ATP13A4: variants seen among roughly 807,000 people sequenced by gnomAD.
The protein encoded by ATP13A4 is ATPase 13A4, also known as probable cation-transporting ATPase 13A4.
Under a neutral mutation model 142.5 loss-of-function variants are expected in ATP13A4, and 114 were observed. The ratio of observed to expected loss-of-function variants is 0.80; its 90% confidence interval spans 0.69 to 0.93. The LOEUF (loss-of-function observed/expected upper bound fraction) is 0.93, where lower values mean the gene tolerates loss of function less well. Ranked by LOEUF, ATP13A4 falls within the 40% of genes least tolerant of loss-of-function variation. The pLI, the probability that ATP13A4 is intolerant of heterozygous loss-of-function variation, is 0.00. For synonymous variants in ATP13A4, 488 were observed against 514.8 expected (o/e 0.95, Z 0.70); for missense variants, 1,392 against 1,454.0 (o/e 0.96, Z 0.69).
chr3:193,589,661 T>C lies in ATP13A4; in HGVS notation n.91+3360A>G, dbSNP rs377563083. On this transcript the variant is annotated intron_variant and non_coding_transcript_variant, in intron 1 of 3. Transcript: ENST00000489140. ...TAAAGTAGTAAAATTATTTCATGAC[T>C]TCTGGATCAGAAAAATATTTTTAAC... Among the ~76,000 whole-genome samples the C allele has an allele frequency of 1.1e-4, 16 of 152,290 alleles. No homozygotes were observed. In the East Asian group the frequency reaches 3.1e-3, roughly 29 times the overall value.
chr3:193,573,501 T>C (rs949000628), intron 2 of ATP13A4, among the ~76,000 whole-genome samples: 2 of 151,774 alleles, frequency 1.3e-5, no homozygotes, highest in Non-Finnish European at 2.9e-5. Flanking sequence ...CCATTTCTTC[T>C]CACTGCCGCT....
chr3:193,552,989 T>A (rs916952509), intron 1 of ATP13A4, among the ~76,000 whole-genome samples: 5 of 151,870 alleles, frequency 3.3e-5, no homozygotes, highest in African/African-American at 1.2e-4. Context: ...GATGGAGGAG[T>A]GAGTTAAAAA....
At chr3:193,461,976 C>T (rs920917063) in intron 13 of ATP13A4, among the ~76,000 whole-genome samples, 1 of 152,172 alleles carries the variant, frequency 6.6e-6, no homozygotes, top group Admixed American at 6.5e-5. Context: ...AATCCCAACA[C>T]TTCAGGAGGC....
intron 2 of ATP13A4, among the ~76,000 whole-genome samples, chr3:193,564,771 G>A (rs1015037775): frequency 6.6e-6 from 1 of 152,170 alleles, no homozygotes; most frequent in African/African-American, 2.4e-5. Flanking sequence ...GGTATTGCAG[G>A]AGGTGAGCAG....
At chr3:193,482,731 T>A (rs552757810) in intron 8 of ATP13A4, among the ~76,000 whole-genome samples, 1 of 152,116 alleles carries the variant, frequency 6.6e-6, no homozygotes, top group Non-Finnish European at 1.5e-5. Context: ...TGGCCAAAAT[T>A]AAAATGAGTA....
intron 1 of ATP13A4, among the ~76,000 whole-genome samples, chr3:193,529,872 TGA>T (rs770125695): frequency 1.8e-4 from 28 of 152,216 alleles, no homozygotes; most frequent in Middle Eastern, 3.2e-3. Flanking sequence ...CACAGTGCTT[TGA>T]AATCTTTTTC....
chr3:193,527,531 G>A (rs113346302), intron 1 of ATP13A4, among the ~76,000 whole-genome samples: 4,439 of 151,718 alleles, frequency 0.029, 212 homozygotes, highest in African/African-American at 0.1. Context: ...AGAATCACTT[G>A]AGCCTAGGAG....
intron 1 of ATP13A4, among the ~76,000 whole-genome samples, chr3:193,518,417 T>TG (rs1273456771): frequency 1.3e-5 from 2 of 152,176 alleles, no homozygotes; most frequent in Non-Finnish European, 2.9e-5. Flanking sequence ...TTCAATTATT[T>TG]GGGGGATATA....
intron 1 of ATP13A4, among the ~76,000 whole-genome samples, chr3:193,545,356 T>C (rs937556992): frequency 3.9e-5 from 6 of 151,956 alleles, no homozygotes; most frequent in African/African-American, 1.2e-4. Context: ...CCTGAGGACA[T>C]TATATTTCTC....
chr3:193,506,607 C>T (rs574922512), intron 2 of ATP13A4, among the ~76,000 whole-genome samples: 2 of 152,116 alleles, frequency 1.3e-5, no homozygotes, highest in African/African-American at 4.8e-5. Flanking sequence ...TGGCGGTGTC[C>T]CCATCCAAAT....
rs148582883 is a variant in ATP13A4 at position 193,585,160 on chromosome 3, G to A, written n.92-3254C>T. Among the ~76,000 whole-genome samples the A allele has an allele frequency of 2.0e-4, 31 of 152,328 alleles. No homozygotes were observed. In the East Asian group the frequency reaches 5.8e-3, roughly 28 times the overall value. On this transcript the variant is annotated intron_variant and non_coding_transcript_variant, in intron 1 of 3. Coordinates refer to the ATP13A4 transcript ENST00000489140. ...TGACCAGGCACGGTGGCTCACCCCT[G>A]TAATCCCAGCACTTTGGGAGGCAAA...
At chr3:193,573,172 C>G (rs1724307114) in intron 2 of ATP13A4, among the ~76,000 whole-genome samples, 1 of 149,344 alleles carries the variant, frequency 6.7e-6, no homozygotes, top group Non-Finnish European at 1.5e-5. Context: ...AAACTCTAAA[C>G]AGTGTGACCA....
At chr3:193,497,658 A>T (rs991004431) in intron 3 of ATP13A4, among the ~76,000 whole-genome samples, 1 of 152,182 alleles carries the variant, frequency 6.6e-6, no homozygotes, top group African/African-American at 2.4e-5. Context: ...AAGATATGGA[A>T]TTAACCTAAG....
intron 2 of ATP13A4, among the ~76,000 whole-genome samples, chr3:193,570,245 C>G (rs558038680): frequency 6.6e-6 from 1 of 152,242 alleles, no homozygotes; most frequent in African/African-American, 2.4e-5. Context: ...CCCAGGAGGT[C>G]GAGGCTGCAG....
At chr3:193,491,460 C>G (rs1231307218) in intron 5 of ATP13A4, 62 bp from the exon 6 acceptor site, 1 of 1,222,502 alleles carries the variant, frequency 8.2e-7, no homozygotes, top group Non-Finnish European at 1.2e-6. Context: ...GACTCCTCAC[C>G]TATTCAGAAA....
At chr3:193,403,889 A>G (rs1714366129) in intron 29 of ATP13A4, 2 of 985,430 alleles carry the variant, frequency 2.0e-6, no homozygotes, top group Non-Finnish European at 2.4e-6. Context: ...GAAAGAGTTA[A>G]TTCTGTGAGA....
At chr3:193,463,561 G>A (rs542046363) in intron 12 of ATP13A4, among the ~76,000 whole-genome samples, 3 of 151,866 alleles carry the variant, frequency 2.0e-5, no homozygotes, top group African/African-American at 7.2e-5. Context: ...GCTCTTATCT[G>A]TAACATGGTC....
chr3:193,430,723 AG>A (rs1715924354), intron 25 of ATP13A4, among the ~76,000 whole-genome samples: 1 of 152,164 alleles, frequency 6.6e-6, no homozygotes, highest in African/African-American at 2.4e-5. Flanking sequence ...CCAGTACAGC[AG>A]TCACATCAGT....
chr3:193,522,754 A>G (rs1051604535), intron 1 of ATP13A4, among the ~76,000 whole-genome samples: 2 of 152,176 alleles, frequency 1.3e-5, no homozygotes, highest in Admixed American at 6.5e-5. Context: ...GTGAGAGGAA[A>G]TAGGCAAGAG....
Sources: gnomAD v4.1 joint callset for allele counts (sites outside exome capture counted in the v4.1 genomes callset) on GRCh38, gnomAD v4.1.1 for gene constraint, MANE v1.5 for transcripts, NCBI Gene and HGNC (gene_info 2026-07-23, HGNC 2026-07-21) for gene names.